ABCG1: variants seen among roughly 807,000 people sequenced by gnomAD.
ABCG1 encodes the protein ATP-binding cassette sub-family G member 1.
Under a neutral mutation model 69.2 loss-of-function variants are expected in ABCG1, and 29 were observed. The observed-to-expected ratio is 0.42, with a 90% CI of 0.31 to 0.57. The LOEUF is 0.57. ABCG1 is among the 20% of genes least tolerant of loss of function. The pLI, the probability that ABCG1 is intolerant of heterozygous loss-of-function variation, is 0.15. For synonymous variants in ABCG1, 370 were observed against 374.8 expected (o/e 0.99, Z 0.15); for missense variants, 718 against 898.1 (o/e 0.80, Z 2.56).
rs1161669981 is a variant in ABCG1, at chr21:42,287,964, A to T, written c.1049A>T (p.Asp350Val). 12 of 1,613,594 alleles carry T rather than the reference A, an allele frequency of 7.4e-6. No individual in the cohort carries two copies. Among genetic ancestry groups the T allele is most frequent in the Non-Finnish European group, 1.0e-5 (12 of 1,179,786 alleles). The change falls in exon 9 of 15, where the codon GAC becomes GTC. Residue 350 changes from aspartate to valine, a missense_variant. Around this residue, in one of 2 missense-constraint regions of ABCG1, gnomAD observed 514 missense variants for 574.3 expected, o/e 0.90. Transcript: ENST00000398449. The surrounding 1 kb of genome is among the most constrained non-coding windows in gnomAD (Gnocchi z 6.2). ...AGAGCGGTTCGGGAGGGCATGTGTG[A>T]CTCAGACCACAAGAGAGACCTCGGG... ...LVRAVREGMC[D>V]SDHKRDLGGD... is the part of the protein sequence containing the mutation.
At chr21:42,250,608 G>A (rs933865938) in intron 2 of ABCG1, among the ~76,000 whole-genome samples, 1 of 152,196 alleles carries the variant, frequency 6.6e-6, no homozygotes, top group Non-Finnish European at 1.5e-5. Flanking sequence ...TCTGGTGGCC[G>A]CTCATGGTCA....
rs371586244 is a variant in ABCG1, at chr21:42,291,108, A to G, written c.1410A>G (p.Gly470=). 1.2e-5 allele frequency: 19 copies of G among 1,613,834 alleles called. No homozygotes were observed. In the Middle Eastern group the frequency reaches 9.9e-4, roughly 84 times the overall value. The change falls in exon 12 of 15, where the codon GGA becomes GGG. Residue 470 remains glycine, a synonymous_variant. Coordinates refer to ENST00000398449, the MANE Select transcript of ABCG1 (RefSeq NM_016818.3). This position sits in a 1 kb window ranked among gnomAD's most constrained non-coding sequence, Gnocchi z 6.4. The part of the protein sequence containing the change: ...PTVLTFPLEM[G]VFLREHLNYW... ...ATCTCCTAGTTCCCCTGGAGATGGG[A>G]GTCTTTCTTCGGGAACACCTGAACT...
chr21:42,217,519 C>T (rs1358466293), upstream of ABCG1, among the ~76,000 whole-genome samples: 1 of 151,978 alleles, frequency 6.6e-6, no homozygotes, highest in Non-Finnish European at 1.5e-5. Flanking sequence ...GATCTGAATC[C>T]TCTTCCCAAC....
At chr21:42,258,789 C>G (rs559563564) in intron 2 of ABCG1, among the ~76,000 whole-genome samples, 5 of 152,326 alleles carry the variant, frequency 3.3e-5, no homozygotes, top group Non-Finnish European at 5.9e-5. Flanking sequence ...CTGCAGGTGG[C>G]TCTGAAAGCT....
At chr21:42,284,300 T>A (rs2123783876) in intron 6 of ABCG1, among the ~76,000 whole-genome samples, 1 of 150,332 alleles carries the variant, frequency 6.7e-6, no homozygotes, top group African/African-American at 2.5e-5. Flanking sequence ...CCCCCAGTCC[T>A]GGACTCTGGC....
At chr21:42,281,430 C>T (rs1480896564) in intron 5 of ABCG1, among the ~76,000 whole-genome samples, 1 of 152,208 alleles carries the variant, frequency 6.6e-6, no homozygotes, top group Non-Finnish European at 1.5e-5. Context: ...GCACAGAAAT[C>T]TGCTGACCTT....
At chr21:42,289,247 A>G (rs527450978) in intron 10 of ABCG1, among the ~76,000 whole-genome samples, 1 of 152,250 alleles carries the variant, frequency 6.6e-6, no homozygotes, top group African/African-American at 2.4e-5. Context: ...GGGTTGTATC[A>G]TGGCTCTGTC....
chr21:42,211,041 C>A (rs185562218), intron 2 of ABCG1, among the ~76,000 whole-genome samples: 2 of 150,848 alleles, frequency 1.3e-5, no homozygotes, highest in Admixed American at 6.6e-5. Context: ...CTCACTGCAA[C>A]CTCCTCCTCC....
Position 42,291,026 on chromosome 21 carries a change from TG to T in ABCG1, c.1394-63del. 8.3e-7 allele frequency: 1 copy of T among 1,207,234 alleles called. No individual in the cohort carries two copies. The highest frequency in any genetic ancestry group is 1.5e-5 in the African/African-American group (1 of 67,234). The allele number at this position is 1,207,234 out of a possible 1,614,324, so 74.8% of individuals were successfully genotyped here. On this transcript the variant is annotated intron_variant, in intron 11 of 14. Transcript: ENST00000398449. This position sits in a 1 kb window ranked among gnomAD's most constrained non-coding sequence, Gnocchi z 6.4. ...AGCCGCTCAGCTCAAGATCGCCTGT[TG>T]GGATGTTAAACGGGCTCGCTGCACA...
upstream of ABCG1, among the ~76,000 whole-genome samples, chr21:42,211,766 G>C (rs1466987009): frequency 6.6e-6 from 1 of 152,032 alleles, no homozygotes; most frequent in Non-Finnish European, 1.5e-5. Flanking sequence ...GCATGCGCTG[G>C]TAATTCCAGC....
chr21:42,237,679 C>G (rs12483381), intron 2 of ABCG1, among the ~76,000 whole-genome samples: 6,752 of 152,306 alleles, frequency 0.044, 202 homozygotes, highest in Non-Finnish European at 0.063. Flanking sequence ...TCAAAGACAG[C>G]TTGGTAGAGA....
At chr21:42,266,257 C>T (rs573538721) in intron 2 of ABCG1, among the ~76,000 whole-genome samples, 13 of 152,030 alleles carry the variant, frequency 8.6e-5, no homozygotes, top group Admixed American at 5.9e-4. Flanking sequence ...GCCGAGATTG[C>T]GCCACTGCAC....
At chr21:42,235,376 T>G (rs1300875529) in intron 2 of ABCG1, among the ~76,000 whole-genome samples, 1 of 152,168 alleles carries the variant, frequency 6.6e-6, no homozygotes, top group East Asian at 1.9e-4. Context: ...AGACTCCAGT[T>G]TAAATCAGAG....
At chr21:42,212,522 C>T (rs770832279), upstream of ABCG1, among the ~76,000 whole-genome samples, 129 of 152,256 alleles carry the variant, frequency 8.5e-4, no homozygotes, top group Middle Eastern at 3.4e-3. Context: ...ATTCTTGTGA[C>T]AGAGGGCAGA....
chr21:42,282,696 A>G (rs2068835143), intron 6 of ABCG1, among the ~76,000 whole-genome samples: 1 of 152,174 alleles, frequency 6.6e-6, no homozygotes, highest in South Asian at 2.1e-4. Context: ...CTTCCATGAC[A>G]CCAAGTTCCC....
chr21:42,262,664 G>T (rs891069203), intron 2 of ABCG1, among the ~76,000 whole-genome samples: 11 of 152,234 alleles, frequency 7.2e-5, no homozygotes, highest in African/African-American at 2.7e-4. Context: ...ACCGCTCTGC[G>T]GGGCCTGGCA....
intron 2 of ABCG1, chr21:42,256,622 C>T: frequency 6.7e-7 from 1 of 1,499,526 alleles, no homozygotes. Flanking sequence ...CACAGGTCAG[C>T]TCTCAGAGTG....
intron 5 of ABCG1, among the ~76,000 whole-genome samples, chr21:42,278,929 AGAG>A (rs2068757267): frequency 6.6e-6 from 1 of 152,010 alleles, no homozygotes; most frequent in Non-Finnish European, 1.5e-5. Context: ...CTACAGGACA[AGAG>A]GAGAGGCCGG....
At chr21:42,210,866 A>G (rs1056905210) in intron 2 of ABCG1, among the ~76,000 whole-genome samples, 1 of 152,182 alleles carries the variant, frequency 6.6e-6, no homozygotes, top group African/African-American at 2.4e-5. Context: ...GAAGGAGCGT[A>G]TCTGGATGCT....
Sources: gnomAD v4.1 joint callset for allele counts (sites outside exome capture counted in the v4.1 genomes callset) on GRCh38, gnomAD v4.1.1 for gene constraint, gnomAD v4.1.1 regional missense constraint, Gnocchi (gnomAD v3.1) non-coding constraint, MANE v1.5 for transcripts, NCBI Gene and HGNC (gene_info 2026-07-23, HGNC 2026-07-21) for gene names.